Variants in PPP1R16B observed in about 807,000 individuals in gnomAD.
PPP1R16B encodes protein phosphatase 1 regulatory inhibitor subunit 16B.
Under a neutral mutation model 61.7 loss-of-function variants are expected in PPP1R16B, and 14 were observed. That is an observed-to-expected ratio of 0.23 (90% CI 0.15 to 0.35). The LOEUF is 0.35. Among genes scored for constraint, PPP1R16B ranks in the 10% least tolerant of loss-of-function variants. The probability of loss-of-function intolerance (pLI) is 1.00; values close to 1 mark genes in which losing one functional copy is unlikely to be tolerated. For missense variants in PPP1R16B, 547 were observed against 752.5 expected, an observed-to-expected ratio of 0.73 and a Z score of 3.19; for synonymous variants, 266 against 305.3, an observed-to-expected ratio of 0.87 and a Z score of 1.34.
chr20:38,896,834 T>G (rs1234671064), intron 4 of PPP1R16B, among the ~76,000 whole-genome samples: 2 of 152,216 alleles, frequency 1.3e-5, no homozygotes, highest in Admixed American at 6.5e-5. Context: ...ATTTGACTAC[T>G]GTAAGCACTT....
chr20:38,837,534 T>C (rs1207569788), intron 2 of PPP1R16B, among the ~76,000 whole-genome samples: 1 of 151,416 alleles, frequency 6.6e-6, no homozygotes, highest in Non-Finnish European at 1.5e-5. Context: ...CAGATTTTTT[T>C]CTTTTTTTTT....
intron 2 of PPP1R16B, among the ~76,000 whole-genome samples, chr20:38,845,105 G>A (rs948012079): frequency 3.9e-5 from 6 of 152,174 alleles, no homozygotes; most frequent in South Asian, 4.2e-4. Context: ...TGGTGCTTTC[G>A]GTGACAAACC....
At chr20:38,882,324 C>T (rs1310980069) in intron 2 of PPP1R16B, among the ~76,000 whole-genome samples, 2 of 152,012 alleles carry the variant, frequency 1.3e-5, no homozygotes, top group Non-Finnish European at 2.9e-5. Flanking sequence ...ATGAGGGAGG[C>T]TCAAGGAAGG....
intron 3 of PPP1R16B, 127 bp downstream of exon 3, chr20:38,889,792 G>C (rs1309376112): frequency 2.0e-6 from 2 of 977,842 alleles, no homozygotes; most frequent in Non-Finnish European, 3.2e-6. Flanking sequence ...AGGAGCTGCA[G>C]CTGGCCCATC....
intron 1 of PPP1R16B, among the ~76,000 whole-genome samples, chr20:38,825,578 C>T (rs1374526433): frequency 6.6e-6 from 1 of 152,112 alleles, no homozygotes; most frequent in Non-Finnish European, 1.5e-5. Context: ...GGGTGGAGTA[C>T]AGTTCTTCCT....
intron 10 of PPP1R16B, among the ~76,000 whole-genome samples, chr20:38,910,276 T>A (rs1025840508): frequency 5.9e-5 from 9 of 152,212 alleles, no homozygotes; most frequent in Non-Finnish European, 1.2e-4. Context: ...CCACCATGCC[T>A]GGCCAAGTAG....
chr20:38,883,754 C>G (rs1362533931), intron 2 of PPP1R16B, among the ~76,000 whole-genome samples: 2 of 152,242 alleles, frequency 1.3e-5, no homozygotes, highest in African/African-American at 2.4e-5. Flanking sequence ...GCATCCAGCA[C>G]AGGGTGGCAC....
chr20:38,817,937 G>T (rs528901588), intron 1 of PPP1R16B, among the ~76,000 whole-genome samples: 1 of 152,120 alleles, frequency 6.6e-6, no homozygotes, highest in Non-Finnish European at 1.5e-5. Flanking sequence ...CCAGCTGCTC[G>T]GGAGGCTGAG....
At chr20:38,881,486 G>A (rs1348600646) in intron 2 of PPP1R16B, among the ~76,000 whole-genome samples, 3 of 152,188 alleles carry the variant, frequency 2.0e-5, no homozygotes, top group African/African-American at 7.2e-5. Context: ...TGCGGACTGG[G>A]CTGTTCATGC....
chr20:38,863,136 C>T (rs1345977783), intron 2 of PPP1R16B, among the ~76,000 whole-genome samples: 2 of 152,114 alleles, frequency 1.3e-5, no homozygotes, highest in Non-Finnish European at 1.5e-5. Flanking sequence ...AGCCCACCAC[C>T]CAGGAGTCAG....
chr20:38,906,565 G>T (rs938188824), intron 7 of PPP1R16B, among the ~76,000 whole-genome samples: 2 of 152,150 alleles, frequency 1.3e-5, no homozygotes, highest in African/African-American at 4.8e-5. Context: ...AAAGTGCTGG[G>T]ATGCCACCAT....
chr20:38,894,584 A>C (rs2085320492), intron 3 of PPP1R16B, among the ~76,000 whole-genome samples: 1 of 152,166 alleles, frequency 6.6e-6, no homozygotes. Context: ...CATTGCACTG[A>C]TGACCAAGCC....
chr20:38,886,473 C>A lies in PPP1R16B; in HGVS notation c.251-3122C>A, dbSNP rs576138686. 3.3e-5 allele frequency among the ~76,000 whole-genome samples: 5 copies of A among 152,266 alleles called. No individual in the cohort carries two copies. In the East Asian group the frequency reaches 9.6e-4, roughly 29 times the overall value. On this transcript the variant is annotated intron_variant, in intron 2 of 10. Transcript: ENST00000299824. The stretch of plus-strand genomic sequence containing the variant: ...GCTACCCACCCCATGGGATTTGAAC[C>A]CCTAGCTAATGTGAGCAGAACCATC...
At chr20:38,852,362 AT>A (rs2084974675) in intron 2 of PPP1R16B, among the ~76,000 whole-genome samples, 1 of 152,242 alleles carries the variant, frequency 6.6e-6, no homozygotes, top group African/African-American at 2.4e-5. Flanking sequence ...CAAGGCAATT[AT>A]TCTCCTGTGA....
intron 2 of PPP1R16B, among the ~76,000 whole-genome samples, chr20:38,878,737 T>C (rs1299331496): frequency 6.6e-6 from 1 of 152,176 alleles, no homozygotes; most frequent in African/African-American, 2.4e-5. Flanking sequence ...AGTCAATGAA[T>C]GTTAGATGCT....
At chr20:38,835,438 A>G (rs1470896110) in intron 1 of PPP1R16B, among the ~76,000 whole-genome samples, 1 of 152,230 alleles carries the variant, frequency 6.6e-6, no homozygotes, top group East Asian at 1.9e-4. Flanking sequence ...CTTGTTAAAT[A>G]GCTGTGGCTA....
chr20:38,905,045 A>G (rs1283544359), intron 6 of PPP1R16B, among the ~76,000 whole-genome samples: 2 of 152,248 alleles, frequency 1.3e-5, no homozygotes, highest in African/African-American at 2.4e-5. Context: ...TCTGCCAGGC[A>G]GTGGCCATGA....
At chr20:38,829,930 G>A (rs901324867) in intron 1 of PPP1R16B, among the ~76,000 whole-genome samples, 12 of 152,366 alleles carry the variant, frequency 7.9e-5, no homozygotes, top group Admixed American at 2.6e-4. Context: ...GGAGGGGCTC[G>A]CGGGGAGGGC....
intron 1 of PPP1R16B, among the ~76,000 whole-genome samples, chr20:38,825,311 T>C (rs1486733356): frequency 6.6e-6 from 1 of 152,146 alleles, no homozygotes; most frequent in Non-Finnish European, 1.5e-5. Context: ...AGGGCCAGCC[T>C]TGGGAGGGGG....
Sources: gnomAD v4.1 joint callset for allele counts (sites outside exome capture counted in the v4.1 genomes callset) on GRCh38, gnomAD v4.1.1 for gene constraint, MANE v1.5 for transcripts, NCBI Gene and HGNC (gene_info 2026-07-23, HGNC 2026-07-21) for gene names.